ARHGAP24: variants seen among roughly 807,000 people sequenced by gnomAD.
ARHGAP24 encodes the protein Rho GTPase activating protein 24, also known as rho GTPase-activating protein 24.
A neutral mutation model predicts 76.4 loss-of-function variants in ARHGAP24; 50 were observed. The observed-to-expected ratio is 0.65, with a 90% confidence interval of 0.52 to 0.83. ARHGAP24 has a LOEUF of 0.83. Among genes scored for constraint, ARHGAP24 ranks in the 40% least tolerant of loss-of-function variants. The probability of loss-of-function intolerance (pLI) is 0.00; values close to 1 mark genes in which losing one functional copy is unlikely to be tolerated. For missense variants in ARHGAP24, 930 were observed against 914.2 expected (o/e 1.02, Z -0.22); for synonymous variants, 345 against 323.3 (o/e 1.07, Z -0.72).
intron 4 of ARHGAP24, among the ~76,000 whole-genome samples, chr4:85,935,067 C>A (rs370245161): frequency 3.3e-5 from 5 of 152,210 alleles, no homozygotes; most frequent in East Asian, 1.9e-4. Context: ...AATGTCTTTA[C>A]AGTGGTGGTG....
rs535728471 is a variant in ARHGAP24, at chr4:85,771,482, G to A, written c.268+49510G>A. Reference sequence around the variant, plus strand: ...CATTATGCCCACTCACATAGGTGAGGGCCATCTTCTTTACTCAGTCTCCTG... The same window carrying A: ...CATTATGCCCACTCACATAGGTGAGAGCCATCTTCTTTACTCAGTCTCCTG... On this transcript the variant is annotated intron_variant, in intron 3 of 9. Transcript: ENST00000395184. 2.3e-4 allele frequency among the ~76,000 whole-genome samples: 35 copies of A among 152,274 alleles called. 2 individuals carry two copies. In the South Asian group the frequency reaches 6.8e-3, roughly 30 times the overall value.
intron 3 of ARHGAP24, among the ~76,000 whole-genome samples, chr4:85,726,926 T>G (rs1489075736): frequency 3.3e-5 from 5 of 152,130 alleles, no homozygotes; most frequent in Non-Finnish European, 7.4e-5. Flanking sequence ...CCCAAAATTT[T>G]GGGAGGCCGA....
At chr4:85,502,977 A>G (rs1381997468) in intron 1 of ARHGAP24, among the ~76,000 whole-genome samples, 1 of 152,182 alleles carries the variant, frequency 6.6e-6, no homozygotes. Flanking sequence ...TGAGATAATC[A>G]TGTGGTTTTT....
At chr4:85,591,031 GTTTTTTTTTTT>G (rs35373441) in intron 2 of ARHGAP24, among the ~76,000 whole-genome samples, 1 of 62,610 alleles carries the variant, frequency 1.6e-5, no homozygotes. Flanking sequence ...AATCTGCTGG[GTTTTTTTTTTT>G]TTTTTTTTTT....
chr4:85,618,859 A>C (rs564941575), intron 2 of ARHGAP24, among the ~76,000 whole-genome samples: 7 of 151,980 alleles, frequency 4.6e-5, no homozygotes, highest in Non-Finnish European at 1.0e-4. Flanking sequence ...TGAATTTCTT[A>C]TATGTTTTTG....
intron 2 of ARHGAP24, among the ~76,000 whole-genome samples, chr4:85,624,579 A>G (rs1384706738): frequency 6.6e-6 from 1 of 152,200 alleles, no homozygotes; most frequent in Non-Finnish European, 1.5e-5. Flanking sequence ...CAGCTTTGGT[A>G]TCAGGATGAT....
chr4:85,773,236 C>T (rs1400392277), intron 3 of ARHGAP24, among the ~76,000 whole-genome samples: 2 of 152,154 alleles, frequency 1.3e-5, no homozygotes, highest in South Asian at 2.1e-4. Context: ...ATAGAAATGT[C>T]ATAGTCCTTT....
chr4:85,847,363 T>A (rs1730950310), intron 3 of ARHGAP24, among the ~76,000 whole-genome samples: 1 of 152,146 alleles, frequency 6.6e-6, no homozygotes, highest in South Asian at 2.1e-4. Flanking sequence ...CTCAACAATC[T>A]TACATGCTAG....
chr4:85,651,804 C>A (rs28483433), intron 2 of ARHGAP24, among the ~76,000 whole-genome samples: 1 of 150,410 alleles, frequency 6.6e-6, no homozygotes. Context: ...ATGATTTCCT[C>A]TTATTAGATA....
intron 3 of ARHGAP24, among the ~76,000 whole-genome samples, chr4:85,806,763 G>A (rs1044223531): frequency 1.3e-5 from 2 of 152,166 alleles, no homozygotes; most frequent in Non-Finnish European, 2.9e-5. Context: ...TTTCTAAGAA[G>A]AGAATGCTAA....
intron 3 of ARHGAP24, among the ~76,000 whole-genome samples, chr4:85,909,385 T>C (rs931874286): frequency 2.0e-5 from 3 of 152,172 alleles, no homozygotes; most frequent in African/African-American, 7.2e-5. Context: ...ACTGCACATA[T>C]CTGTTCCCTC....
intron 3 of ARHGAP24, among the ~76,000 whole-genome samples, chr4:85,839,595 C>T (rs2110146500): frequency 6.6e-6 from 1 of 151,960 alleles, no homozygotes; most frequent in South Asian, 2.1e-4. Flanking sequence ...GGACTACAGG[C>T]ACGTGCCACC....
At position 85,781,690 on chromosome 4, in the gene ARHGAP24, G is replaced by A. The variant is rs1578221138; in HGVS notation, c.268+59718G>A. Reference sequence around the variant, plus strand: ...AACAATGAATTAGAGACTGGCTTTTGTCTGCAATAATGAATTTGGGATATG... The same window carrying A: ...AACAATGAATTAGAGACTGGCTTTTATCTGCAATAATGAATTTGGGATATG... On this transcript the variant is annotated intron_variant, in intron 3 of 9. Coordinates refer to ENST00000395184, the MANE Select transcript of ARHGAP24 (RefSeq NM_001025616.3). Among the ~76,000 whole-genome samples the A allele has an allele frequency of 2.6e-5, 4 of 152,088 alleles. No individual in the cohort carries two copies. The Middle Eastern group carries it at 0.014, about 517-fold the overall frequency.
At chr4:85,805,665 G>T (rs138170135) in intron 3 of ARHGAP24, among the ~76,000 whole-genome samples, 204 of 152,220 alleles carry the variant, frequency 1.3e-3, no homozygotes, top group African/African-American at 4.8e-3. Context: ...ACTTTGCTCA[G>T]GTGTGCCGCA....
At chr4:85,871,683 T>C (rs1349082039) in intron 3 of ARHGAP24, among the ~76,000 whole-genome samples, 2 of 152,142 alleles carry the variant, frequency 1.3e-5, no homozygotes, top group Non-Finnish European at 2.9e-5. Flanking sequence ...GGCCTAAATG[T>C]ATGACCACAT....
chr4:85,799,083 G>A (rs1728476690), intron 3 of ARHGAP24, among the ~76,000 whole-genome samples: 1 of 152,152 alleles, frequency 6.6e-6, no homozygotes, highest in African/African-American at 2.4e-5. Flanking sequence ...AATTGTATGT[G>A]TGCACATGAA....
chr4:85,903,453 G>T (rs1406201583), intron 3 of ARHGAP24, among the ~76,000 whole-genome samples: 1 of 151,984 alleles, frequency 6.6e-6, no homozygotes, highest in African/African-American at 2.4e-5. Flanking sequence ...ATTTTGATAT[G>T]TTTTTCCCAG....
intron 2 of ARHGAP24, among the ~76,000 whole-genome samples, chr4:85,580,291 A>G (rs891817665): frequency 8.5e-5 from 13 of 152,116 alleles, no homozygotes; most frequent in African/African-American, 2.9e-4. Context: ...CTAAGAGCCT[A>G]TTGCTGTTGG....
intron 3 of ARHGAP24, among the ~76,000 whole-genome samples, chr4:85,884,228 G>A (rs1275820627): frequency 6.6e-6 from 1 of 151,978 alleles, no homozygotes; most frequent in Non-Finnish European, 1.5e-5. Context: ...TTGCTCTAAG[G>A]TTCTCCAACA....
Sources: allele counts gnomAD v4.1 joint callset (sites outside exome capture counted in the v4.1 genomes callset), GRCh38; gene constraint gnomAD v4.1.1; transcripts MANE v1.5; gene names NCBI Gene and HGNC (gene_info 2026-07-23, HGNC 2026-07-21).